SLC8B1: variants seen among roughly 807,000 people sequenced by gnomAD.
SLC8B1 encodes the protein mitochondrial sodium/calcium exchanger protein.
In SLC8B1, 52 loss-of-function variants were observed where a neutral mutation model predicts 63.4. That is an observed-to-expected ratio of 0.82 (90% CI 0.66 to 1.03). The LOEUF is 1.03. SLC8B1 is among the 50% of genes least tolerant of loss of function. SLC8B1 has a pLI of 0.00. For missense variants in SLC8B1, 657 were observed against 741.7 expected (o/e 0.89, Z 1.33); for synonymous variants, 336 against 323.9 (o/e 1.04, Z -0.40).
chr12:113,316,323 T>C (rs529203559), intron 10 of SLC8B1, among the ~76,000 whole-genome samples: 1 of 152,274 alleles, frequency 6.6e-6, no homozygotes, highest in African/African-American at 2.4e-5. Flanking sequence ...TGGATGTCTT[T>C]AGGGGCCACT....
In SLC8B1 at chr12:113,307,703, T is replaced by C. The variant is rs760000270; in HGVS notation, c.1399A>G (p.Asn467Asp). 1 of 1,613,552 alleles carries C rather than the reference T, an allele frequency of 6.2e-7. No homozygotes were observed. The highest frequency in any genetic ancestry group is 8.5e-7 in the Non-Finnish European group (1 of 1,179,882). The change falls in exon 13 of 16, where the codon AAC becomes GAC. Residue 467 changes from asparagine to aspartate, a missense_variant. Coordinates refer to ENST00000680972, the MANE Select transcript of SLC8B1 (RefSeq NM_001358345.2). ...AGCCCTGAGTCACCTCCAATGCTGT[T>C]CCCCCAGGCCAGCAGCGTGAGCCCC... Reference protein sequence around the residue: ...VLGLTLLAWGNSIGDAFSDFT... With the variant: ...VLGLTLLAWGDSIGDAFSDFT...
At position 113,316,575 on chromosome 12, in the gene SLC8B1, A is replaced by T. The variant is rs766884597; in HGVS notation, c.944T>A (p.Met315Lys). 1.2e-6 allele frequency: 2 copies of T among 1,614,018 alleles called. No individual in the cohort carries two copies. The highest frequency in any genetic ancestry group is 2.7e-5 in the African/African-American group (2 of 74,928). Reference protein sequence around the residue: ...LVRALNPLDYMKWRRKSAYWK... With the variant: ...LVRALNPLDYKKWRRKSAYWK... The stretch of plus-strand genomic sequence containing the variant: ...GTATGCTGATTTCCTTCTCCACTTC[A>T]TGTAATCCAGGGGATTGAGGGCCCG... Residue 315 changes from methionine (M) to lysine (K), a missense_variant, in exon 10 of 16, where the codon ATG becomes AAG. Coordinates refer to ENST00000680972, the MANE Select transcript of SLC8B1 (RefSeq NM_001358345.2).
At chr12:113,326,813 A>G (rs1386331204) in intron 2 of SLC8B1, among the ~76,000 whole-genome samples, 1 of 151,880 alleles carries the variant, frequency 6.6e-6, no homozygotes, top group Non-Finnish European at 1.5e-5. Flanking sequence ...AAGTGGCTGG[A>G]GCTACAAATG....
chr12:113,306,044 G>GC (rs1400575380), intron 14 of SLC8B1, among the ~76,000 whole-genome samples: 1 of 115,768 alleles, frequency 8.6e-6, no homozygotes, highest in Non-Finnish European at 1.6e-5. Context: ...GGGCAACCGA[G>GC]CCAGACTCCG....
At chr12:113,316,274 A>T (rs920767602) in intron 10 of SLC8B1, among the ~76,000 whole-genome samples, 5 of 151,598 alleles carry the variant, frequency 3.3e-5, no homozygotes, top group African/African-American at 1.2e-4. Context: ...CCCTTCTACC[A>T]TAAAGGTAAC....
chr12:113,312,655 G>C (rs970629937), intron 11 of SLC8B1, among the ~76,000 whole-genome samples: 1 of 152,178 alleles, frequency 6.6e-6, no homozygotes, highest in Non-Finnish European at 1.5e-5. Context: ...GCTTTAGCCA[G>C]AACCAGTCTT....
Position 113,320,519 on chromosome 12 carries a change from C to T in SLC8B1, c.527-21G>A. 6.2e-7 allele frequency: 1 copy of T among 1,613,988 alleles called. No individual in the cohort carries two copies. Among genetic ancestry groups the T allele is most frequent in the Non-Finnish European group, 8.5e-7 (1 of 1,179,978 alleles). ...AGCGCCTGGGGGGAGGAGGCCAGAG[C>T]TCAGCCACCCTGCACCCTCTCCTGC... On this transcript the variant is annotated intron_variant, in intron 6 of 15. Coordinates refer to ENST00000680972, the MANE Select transcript of SLC8B1 (RefSeq NM_001358345.2). This position sits in a 1 kb window ranked among gnomAD's most constrained non-coding sequence, Gnocchi z 5.3.
chr12:113,307,655 C>T lies in SLC8B1; in HGVS notation c.1411+36G>A, dbSNP rs771093398. 43 of 1,599,954 alleles carry T rather than the reference C, an allele frequency of 2.7e-5. No individual in the cohort carries two copies. In the Admixed American group the frequency reaches 7.0e-4, roughly 26 times the overall value. On this transcript the variant is annotated intron_variant, in intron 13 of 15. Coordinates refer to ENST00000680972, the MANE Select transcript of SLC8B1 (RefSeq NM_001358345.2). ...AGGAAAGAGCTAAGATGTGGCCGCA[C>T]TCACCCCCACTCAACCCCACCCAGC...
At chr12:113,334,348 G>A (rs1391074619) in intron 1 of SLC8B1, 95 bp downstream of exon 1, 2 of 152,142 alleles carry the variant, frequency 1.3e-5, no homozygotes, top group Non-Finnish European at 2.9e-5. Context: ...GTCTGCGCAG[G>A]TGTTTCTCAA....
rs4399364 is a variant in SLC8B1 at position 113,309,293 on chromosome 12, C to T, written c.1257+941G>A. ...AAGCAATTCTCCAGCCTCAGCCTCC[C>T]GAGTAGCTGAGATTACAGGTGCCCG... On this transcript the variant is annotated intron_variant, in intron 12 of 15. Transcript: ENST00000680972. Among the ~76,000 whole-genome samples, 138 of 152,144 alleles carry T rather than the reference C, an allele frequency of 9.1e-4. 1 individual carries two copies. Among genetic ancestry groups the T allele is most frequent in the Middle Eastern group, 3.4e-3 (1 of 294 alleles).
chr12:113,322,827 G>A (rs1566241038), intron 2 of SLC8B1, among the ~76,000 whole-genome samples: 1 of 152,156 alleles, frequency 6.6e-6, no homozygotes, highest in Non-Finnish European at 1.5e-5. Context: ...GCATACGCCT[G>A]TAGTCCCAAC....
chr12:113,315,059 G>A (rs1593247414), intron 11 of SLC8B1, among the ~76,000 whole-genome samples: 1 of 152,258 alleles, frequency 6.6e-6, no homozygotes, highest in East Asian at 1.9e-4. Flanking sequence ...GCCAAGATGG[G>A]CGGATCACTT....
rs190157938 is a variant in SLC8B1, at chr12:113,333,136, T to C, written c.-82-176A>G. Among the ~76,000 whole-genome samples, 336 of 152,354 alleles carry C rather than the reference T, an allele frequency of 2.2e-3. 3 individuals are homozygous for C. Among genetic ancestry groups the C allele is most frequent in the African/African-American group, 7.7e-3 (322 of 41,582 alleles). Reference sequence around the variant, plus strand: ...CTGGAGGGGCCCAAGGCCCTGCCCATTCAGCGTGCAGATCAGATACGCCCT... The same window carrying C: ...CTGGAGGGGCCCAAGGCCCTGCCCACTCAGCGTGCAGATCAGATACGCCCT... On this transcript the variant is annotated intron_variant, in intron 1 of 15. Transcript: ENST00000680972.
chr12:113,316,819 A>C (rs1956842221), intron 9 of SLC8B1, 123 bp downstream of exon 9: 1 of 1,473,778 alleles, frequency 6.8e-7, no homozygotes, highest in Non-Finnish European at 9.3e-7. Context: ...CCTGAGCTGC[A>C]GTGAGAGGTG....
At chr12:113,310,865 C>G (rs935850378) in intron 11 of SLC8B1, among the ~76,000 whole-genome samples, 5 of 152,340 alleles carry the variant, frequency 3.3e-5, no homozygotes, top group Admixed American at 1.3e-4. Flanking sequence ...TGAGAACACT[C>G]TAGAATTCTC....
Position 113,317,075 on chromosome 12 carries a change from T to C in SLC8B1, c.803-74A>G, listed in dbSNP as rs144212272. 304 of 1,323,544 alleles carry C rather than the reference T, an allele frequency of 2.3e-4. No homozygotes were observed. In the African/African-American group the frequency reaches 3.8e-3, roughly 16 times the overall value. The allele number at this position is 1,323,544 out of a possible 1,614,324, so 82.0% of individuals were successfully genotyped here. A position where few individuals can be genotyped will look rare whatever the true frequency, so the allele number is the denominator to read the frequency against. On this transcript the variant is annotated intron_variant, in intron 8 of 15. Coordinates refer to ENST00000680972, the MANE Select transcript of SLC8B1 (RefSeq NM_001358345.2). ...GGGGCACACTGGGACAGAGCAGGTT[T>C]AGGGGTGCAAGTGTTCAGGCCATCT...
chr12:113,304,418 G>C (rs1164354348), intron 14 of SLC8B1, 33 bp from the exon 15 acceptor site: 2 of 1,602,820 alleles, frequency 1.2e-6, no homozygotes, highest in African/African-American at 2.7e-5. Context: ...TTGCTGGAAT[G>C]GCCTGCACAT....
chr12:113,300,295 T>C (rs1325070222), intron 15 of SLC8B1, among the ~76,000 whole-genome samples: 1 of 151,766 alleles, frequency 6.6e-6, no homozygotes, highest in Non-Finnish European at 1.5e-5. Flanking sequence ...TGGCCAGGAG[T>C]TCGAGACCAC....
In SLC8B1 at chr12:113,305,701, T is replaced by G. The variant is rs1404270950; in HGVS notation, c.1492+794A>C. Among the ~76,000 whole-genome samples the G allele has an allele frequency of 6.6e-6, 1 of 152,250 alleles. No individual in the cohort carries two copies. The highest frequency in any genetic ancestry group is 2.4e-5 in the African/African-American group (1 of 41,472). ...TCACTTATGCACTGTCTGTGCCTGTTTCTGCACTATAGCAGCAGAGTTGAG... is the reference window on the plus strand; with the variant it reads ...TCACTTATGCACTGTCTGTGCCTGTGTCTGCACTATAGCAGCAGAGTTGAG... On this transcript the variant is annotated intron_variant, in intron 14 of 15. Transcript: ENST00000680972. The surrounding 1 kb of genome is among the most constrained non-coding windows in gnomAD (Gnocchi z 4.3).
Sources: gnomAD v4.1 joint callset for allele counts (sites outside exome capture counted in the v4.1 genomes callset) on GRCh38, gnomAD v4.1.1 for gene constraint, Gnocchi (gnomAD v3.1) non-coding constraint, MANE v1.5 for transcripts, NCBI Gene and HGNC (gene_info 2026-07-23, HGNC 2026-07-21) for gene names.